Variants in ADARB2 observed in about 807,000 individuals in gnomAD.
ADARB2 encodes inactive double-stranded RNA-specific editase B2.
A neutral mutation model predicts 62.2 loss-of-function variants in ADARB2; 25 were observed. That is an observed-to-expected ratio of 0.40 (90% CI 0.29 to 0.56). The LOEUF is 0.56. ADARB2 is among the 20% of genes least tolerant of loss of function. ADARB2 has a pLI of 0.43. For missense variants in ADARB2, 1,071 were observed against 1,077.4 expected (o/e 0.99, Z 0.08); for synonymous variants, 572 against 500.8 (o/e 1.14, Z -1.90).
chr10:1,395,944 C>G (rs1485579976), intron 1 of ADARB2, among the ~76,000 whole-genome samples: 1 of 152,214 alleles, frequency 6.6e-6, no homozygotes, highest in African/African-American at 2.4e-5. Context: ...GCATCGTGAA[C>G]CCTCCTAGCA....
At chr10:1,662,238 G>A (rs1834257762) in intron 1 of ADARB2, among the ~76,000 whole-genome samples, 1 of 152,194 alleles carries the variant, frequency 6.6e-6, no homozygotes. Context: ...GTTTGGAGGT[G>A]AGGGGAGCCC....
chr10:1,477,217 T>C lies in ADARB2; in HGVS notation c.101-98057A>G, dbSNP rs565109382. Among the ~76,000 whole-genome samples, 10 of 152,334 alleles carry C rather than the reference T, an allele frequency of 6.6e-5. No individual in the cohort carries two copies. The East Asian group carries it at 1.9e-3, about 29-fold the overall frequency. ...TTCCTTACAGGAGAAGTGACTGCACTGATCAGAAGTGTGGAGTCCTGATAA... is the reference window on the plus strand; with the variant it reads ...TTCCTTACAGGAGAAGTGACTGCACCGATCAGAAGTGTGGAGTCCTGATAA... On this transcript the variant is annotated intron_variant, in intron 1 of 9. Coordinates refer to ENST00000381312, the MANE Select transcript of ADARB2 (RefSeq NM_018702.4). The surrounding 1 kb of genome is among the most constrained non-coding windows in gnomAD (Gnocchi z 4.5).
intron 3 of ADARB2, among the ~76,000 whole-genome samples, chr10:1,314,294 AG>A (rs2131824344): frequency 6.6e-6 from 1 of 152,176 alleles, no homozygotes; most frequent in South Asian, 2.1e-4. Context: ...CTCCCCTCGC[AG>A]GTCACCAGCC....
chr10:1,388,551 G>A (rs192119496), intron 1 of ADARB2, among the ~76,000 whole-genome samples: 11 of 152,110 alleles, frequency 7.2e-5, no homozygotes, highest in African/African-American at 1.2e-4. Context: ...ATACACAAAA[G>A]TCTACATGCT....
intron 1 of ADARB2, among the ~76,000 whole-genome samples, chr10:1,585,142 G>A (rs1348219756): frequency 6.6e-6 from 1 of 152,060 alleles, no homozygotes; most frequent in Admixed American, 6.6e-5. Flanking sequence ...TGTCAATGTA[G>A]GTTCATCGAC....
chr10:1,341,830 G>A (rs1215042886), intron 3 of ADARB2, among the ~76,000 whole-genome samples: 1 of 152,104 alleles, frequency 6.6e-6, no homozygotes, highest in Admixed American at 6.5e-5. Context: ...GTGATAACCA[G>A]CATCCACCAG....
At chr10:1,381,885 A>G (rs1352341084) in intron 1 of ADARB2, among the ~76,000 whole-genome samples, 1 of 152,120 alleles carries the variant, frequency 6.6e-6, no homozygotes, top group African/African-American at 2.4e-5. Flanking sequence ...TAGGGTACAA[A>G]CTTCCAGTGA....
At chr10:1,523,764 C>A (rs576846311) in intron 1 of ADARB2, among the ~76,000 whole-genome samples, 1 of 152,290 alleles carries the variant, frequency 6.6e-6, no homozygotes, top group East Asian at 1.9e-4. Context: ...CTCCCCATCC[C>A]AGTTTCACCA....
chr10:1,546,090 G>A (rs1832514968), intron 1 of ADARB2, among the ~76,000 whole-genome samples: 2 of 151,674 alleles, frequency 1.3e-5, no homozygotes, highest in East Asian at 1.9e-4. Flanking sequence ...CCCCTTGCCT[G>A]CCTTGACTGC....
At chr10:1,374,570 G>A (rs11250482) in intron 2 of ADARB2, among the ~76,000 whole-genome samples, 24,010 of 152,224 alleles carry the variant, frequency 0.16, 2,387 homozygotes, top group East Asian at 0.47. Context: ...TTCAAAGGTG[G>A]AGAGCATGTG....
intron 1 of ADARB2, among the ~76,000 whole-genome samples, chr10:1,537,754 T>A (rs950154865): frequency 2.0e-5 from 3 of 150,766 alleles, no homozygotes; most frequent in African/African-American, 7.3e-5. Flanking sequence ...AAAGTGGGAG[T>A]TGAACAATGA....
At chr10:1,447,031 C>G (rs771312124) in intron 1 of ADARB2, among the ~76,000 whole-genome samples, 1 of 152,090 alleles carries the variant, frequency 6.6e-6, no homozygotes, top group African/African-American at 2.4e-5. Flanking sequence ...TTGTAAAACA[C>G]GAATGAAATT....
At position 1,700,329 on chromosome 10, in the gene ADARB2, A is replaced by G. The variant is rs879017854; in HGVS notation, c.100+36722T>C. Among the ~76,000 whole-genome samples the G allele has an allele frequency of 7.3e-4, 3 of 4,128 alleles. 1 individual carries two copies. Among genetic ancestry groups the G allele is most frequent in the African/African-American group, 1.7e-3 (3 of 1,768 alleles). The allele number at this position is 4,128 out of a possible 152,430, so 2.7% of individuals were successfully genotyped here. ...ATCCCACTCTACCAGGAGACCGGGC[A>G]CTCGCCAACACACACAATCCCACTC... is the stretch of plus-strand genomic sequence containing the variant. On this transcript the variant is annotated intron_variant, in intron 1 of 9. Transcript: ENST00000381312.
chr10:1,618,646 G>A (rs1833671417), intron 1 of ADARB2, among the ~76,000 whole-genome samples: 1 of 152,096 alleles, frequency 6.6e-6, no homozygotes, highest in African/African-American at 2.4e-5. Flanking sequence ...TGGGGCTCAG[G>A]TGATGCTCCC....
chr10:1,523,425 G>A (rs757586388), intron 1 of ADARB2, among the ~76,000 whole-genome samples: 1 of 152,156 alleles, frequency 6.6e-6, no homozygotes, highest in Non-Finnish European at 1.5e-5. Context: ...GCCCTGAGCT[G>A]GGGAAACCAA....
At chr10:1,399,700 T>C (rs1316408659) in intron 1 of ADARB2, among the ~76,000 whole-genome samples, 1 of 152,200 alleles carries the variant, frequency 6.6e-6, no homozygotes, top group Non-Finnish European at 1.5e-5. Flanking sequence ...AGGGTTTTTG[T>C]AATATTATTT....
chr10:1,243,273 G>A (rs1289556519), intron 4 of ADARB2, among the ~76,000 whole-genome samples: 1 of 152,252 alleles, frequency 6.6e-6, no homozygotes, highest in Non-Finnish European at 1.5e-5. Flanking sequence ...AGGGCAGCAC[G>A]GAGACGCGTT....
intron 1 of ADARB2, among the ~76,000 whole-genome samples, chr10:1,635,317 G>A (rs1488356319): frequency 1.3e-5 from 2 of 152,290 alleles, no homozygotes; most frequent in East Asian, 3.9e-4. Flanking sequence ...GCAAAGTGCT[G>A]GGCCTGGAGT....
intron 3 of ADARB2, among the ~76,000 whole-genome samples, chr10:1,331,110 G>C (rs983008233): frequency 7.9e-5 from 12 of 152,126 alleles, no homozygotes; most frequent in Non-Finnish European, 1.2e-4. Context: ...GCTACAATCA[G>C]AAAGATAATA....
Sources: gnomAD v4.1 joint callset for allele counts (sites outside exome capture counted in the v4.1 genomes callset) on GRCh38, gnomAD v4.1.1 for gene constraint, Gnocchi (gnomAD v3.1) non-coding constraint, MANE v1.5 for transcripts, NCBI Gene and HGNC (gene_info 2026-07-23, HGNC 2026-07-21) for gene names.